RPH3A: variants seen among roughly 807,000 people sequenced by gnomAD.
The protein encoded by RPH3A is rabphilin 3A.
A neutral mutation model predicts 102.2 loss-of-function variants in RPH3A; 48 were observed. The observed-to-expected ratio is 0.47, with a 90% CI of 0.37 to 0.60. The LOEUF is 0.60. RPH3A is among the 20% of genes least tolerant of loss of function. The pLI is 0.00. For synonymous variants in RPH3A, 310 were observed against 324.3 expected (o/e 0.96, Z 0.47); for missense variants, 781 against 910.1 (o/e 0.86, Z 1.83).
intron 1 of RPH3A, among the ~76,000 whole-genome samples, chr12:112,720,592 T>C (rs1409643986): frequency 6.6e-6 from 1 of 152,212 alleles, no homozygotes; most frequent in Admixed American, 6.5e-5. Flanking sequence ...AAATGTTTGG[T>C]TCTTGCTCAT....
chr12:112,868,607 C>T lies in RPH3A; in HGVS notation c.610+12C>T, dbSNP rs1355395674. The T allele has an allele frequency of 6.2e-7, 1 of 1,612,048 alleles. No homozygotes were observed. Among genetic ancestry groups the T allele is most frequent in the South Asian group, 1.1e-5 (1 of 90,896 alleles). On this transcript the variant is annotated intron_variant, in intron 8 of 21. Coordinates refer to ENST00000389385, the MANE Select transcript of RPH3A (RefSeq NM_001143854.2). ...GGCTCCAGCTCGAGGTAGGACAAAA[C>T]AGGTGCTTCTTTCAGGACCAAGGAC... is the stretch of plus-strand genomic sequence containing the variant.
At chr12:112,881,740 G>A in intron 14 of RPH3A, 32 bp from the exon 15 acceptor site, 1 of 1,556,074 alleles carries the variant, frequency 6.4e-7, no homozygotes, top group Non-Finnish European at 8.8e-7. Flanking sequence ...GCCCTCCTGA[G>A]GCCCTCACAC....
At chr12:112,774,951 C>A (rs1282673919) in intron 1 of RPH3A, among the ~76,000 whole-genome samples, 1 of 151,862 alleles carries the variant, frequency 6.6e-6, no homozygotes, top group African/African-American at 2.4e-5. Context: ...TACACATGTA[C>A]CCCAGAACTT....
At chr12:112,592,481 G>A (rs61942273) in intron 1 of RPH3A, among the ~76,000 whole-genome samples, 44,829 of 151,892 alleles carry the variant, frequency 0.3, 7,717 homozygotes, top group Non-Finnish European at 0.38. Context: ...ACCATGCCTG[G>A]TTAATTTTTG....
chr12:112,653,368 TAA>T (rs754219546), intron 1 of RPH3A, among the ~76,000 whole-genome samples: 35 of 109,202 alleles, frequency 3.2e-4, no homozygotes, highest in Admixed American at 3.9e-4. Flanking sequence ...AGACTCCATC[TAA>T]AAAAAAAAAA....
intron 1 of RPH3A, among the ~76,000 whole-genome samples, chr12:112,785,871 C>T (rs1227421960): frequency 6.6e-6 from 1 of 152,150 alleles, no homozygotes; most frequent in Non-Finnish European, 1.5e-5. Flanking sequence ...TTGGGCTGGA[C>T]GTTTTCACTG....
chr12:112,597,232 C>T (rs949383711), intron 1 of RPH3A, among the ~76,000 whole-genome samples: 4 of 152,064 alleles, frequency 2.6e-5, no homozygotes, highest in Admixed American at 6.6e-5. Context: ...TTATCTGTCC[C>T]GTTTTAATTC....
intron 1 of RPH3A, among the ~76,000 whole-genome samples, chr12:112,696,507 G>C (rs928628072): frequency 6.6e-6 from 1 of 152,188 alleles, no homozygotes; most frequent in African/African-American, 2.4e-5. Flanking sequence ...TATGGTGAAG[G>C]TGGGACCTCT....
chr12:112,693,592 C>T (rs1335771744), intron 1 of RPH3A, among the ~76,000 whole-genome samples: 1 of 152,216 alleles, frequency 6.6e-6, no homozygotes, highest in Non-Finnish European at 1.5e-5. Context: ...CGTGGCCCAT[C>T]TGTTCCCTCT....
At chr12:112,840,297 C>G (rs1282217492) in intron 4 of RPH3A, among the ~76,000 whole-genome samples, 1 of 152,064 alleles carries the variant, frequency 6.6e-6, no homozygotes, top group Non-Finnish European at 1.5e-5. Context: ...TACGCATCAC[C>G]TCAAACATTT....
upstream of RPH3A, among the ~76,000 whole-genome samples, chr12:112,789,406 A>G (rs1406281250): frequency 1.3e-5 from 2 of 152,202 alleles, no homozygotes; most frequent in African/African-American, 2.4e-5. Context: ...TTTCCCCTCA[A>G]ACTTGTAGAA....
chr12:112,869,984 T>C lies in RPH3A; in HGVS notation c.741T>C (p.Asp247=), dbSNP rs762149756. 3.7e-6 allele frequency: 6 copies of C among 1,613,942 alleles called. No individual in the cohort carries two copies. The highest frequency in any genetic ancestry group is 5.1e-6 in the Non-Finnish European group (6 of 1,179,996). The change falls in exon 10 of 22, where the codon GAT becomes GAC. Residue 247 remains aspartate, a synonymous_variant. Transcript: ENST00000389385. ...SEARMSSSSR[D]SESWDHSGGA... ...CACGAATGAGCTCATCTAGCCGAGATTCAGAGAGCTGGGACCACAGTGGGG... is the reference window on the plus strand; with the variant it reads ...CACGAATGAGCTCATCTAGCCGAGACTCAGAGAGCTGGGACCACAGTGGGG...
intron 2 of RPH3A, among the ~76,000 whole-genome samples, chr12:112,801,359 A>G (rs563286815): frequency 6.6e-6 from 1 of 152,350 alleles, no homozygotes; most frequent in South Asian, 2.1e-4. Context: ...TGCCTTTCAG[A>G]TAGAACCTGC....
At position 112,785,093 on chromosome 12, in the gene RPH3A, A is replaced by G. The variant is rs967008782; in HGVS notation, c.-139-7050A>G. ...CAAAATTAGTCAGGCATGGTGGTGCATGCCTCTAATCCCAGCTACTTGGGA... is the reference window on the plus strand; with the variant it reads ...CAAAATTAGTCAGGCATGGTGGTGCGTGCCTCTAATCCCAGCTACTTGGGA... On this transcript the variant is annotated intron_variant, in intron 1 of 21. Coordinates refer to the RPH3A transcript ENST00000543106. Among the ~76,000 whole-genome samples the G allele has an allele frequency of 2.0e-5, 3 of 152,154 alleles. No individual in the cohort carries two copies. The South Asian group carries it at 6.2e-4, about 32-fold the overall frequency.
chr12:112,842,492 A>G (rs1490926388), intron 4 of RPH3A, among the ~76,000 whole-genome samples: 1 of 152,140 alleles, frequency 6.6e-6, no homozygotes, highest in Non-Finnish European at 1.5e-5. Context: ...AGTGCCAGAA[A>G]AGGAATCAGA....
chr12:112,638,578 T>C (rs1237570445), intron 1 of RPH3A, among the ~76,000 whole-genome samples: 1 of 152,176 alleles, frequency 6.6e-6, no homozygotes, highest in African/African-American at 2.4e-5. Context: ...ATTCGAAAAG[T>C]GTTTTATGGT....
chr12:112,807,884 CCTGCTAT>C lies in RPH3A; in HGVS notation c.-19+15624_-19+15630del, dbSNP rs1400365283. On this transcript the variant is annotated intron_variant, in intron 2 of 21. Coordinates refer to ENST00000389385, the MANE Select transcript of RPH3A (RefSeq NM_001143854.2). ...CCTCCCTGGCACTTGGCACCGTGTACCTGCTATCTACTTTAATTATTTACTTTGTCCA... is the reference window on the plus strand; with the variant it reads ...CCTCCCTGGCACTTGGCACCGTGTACCTACTTTAATTATTTACTTTGTCCA... 2.6e-5 allele frequency among the ~76,000 whole-genome samples: 4 copies of C among 152,130 alleles called. No homozygotes were observed. In the South Asian group the frequency reaches 6.2e-4, roughly 24 times the overall value.
Position 112,847,844 on chromosome 12 carries a change from T to C in RPH3A, c.230+2T>C. Reference sequence around the variant, plus strand: ...AGAGATGGAGCAGGAGCGAATCGGGTGAGGCTTAACGCTTCCCATTCACCC... The same window carrying C: ...AGAGATGGAGCAGGAGCGAATCGGGCGAGGCTTAACGCTTCCCATTCACCC... On this transcript the variant is annotated splice_donor_variant, in intron 5 of 21. Coordinates refer to ENST00000389385, the MANE Select transcript of RPH3A (RefSeq NM_001143854.2). LOFTEE classifies it high-confidence loss of function. 6.2e-7 allele frequency: 1 copy of C among 1,613,792 alleles called. No individual in the cohort carries two copies. Among genetic ancestry groups the C allele is most frequent in the Non-Finnish European group, 8.5e-7 (1 of 1,179,874 alleles).
chr12:112,655,529 G>A (rs1463815348), intron 1 of RPH3A, among the ~76,000 whole-genome samples: 1 of 132,184 alleles, frequency 7.6e-6, no homozygotes, highest in Non-Finnish European at 1.6e-5. Flanking sequence ...GTTTCTTCAT[G>A]TCTGATTTGG....
Sources: allele counts gnomAD v4.1 joint callset (sites outside exome capture counted in the v4.1 genomes callset), GRCh38; gene constraint gnomAD v4.1.1; transcripts MANE v1.5; gene names NCBI Gene and HGNC (gene_info 2026-07-23, HGNC 2026-07-21).